The following NIPA1 variants were observed in gnomAD, a reference collection of about 807,000 sequenced individuals.
NIPA1 encodes the protein NIPA magnesium transporter 1, also known as magnesium transporter NIPA1.
Under a neutral mutation model 23.9 loss-of-function variants are expected in NIPA1, and 13 were observed. That is an observed-to-expected ratio of 0.54 (90% CI 0.35 to 0.87). The LOEUF (loss-of-function observed/expected upper bound fraction) is 0.87, where lower values mean the gene tolerates loss of function less well. Ranked by LOEUF, NIPA1 falls within the 40% of genes least tolerant of loss-of-function variation. The pLI, the probability that NIPA1 is intolerant of heterozygous loss-of-function variation, is 0.01. For synonymous variants in NIPA1, 234 were observed against 202.9 expected (o/e 1.15, Z -1.30); for missense variants, 362 against 429.7 (o/e 0.84, Z 1.39).
intron 1 of NIPA1, among the ~76,000 whole-genome samples, chr15:22,805,414 C>T (rs1043976413): frequency 6.6e-6 from 1 of 152,064 alleles, no homozygotes; most frequent in Admixed American, 6.5e-5. Context: ...GGACCGGGCG[C>T]GGTGGCTCAC....
At position 22,825,807 on chromosome 15, in the gene NIPA1, A is replaced by G. The variant is rs1895639391; in HGVS notation, c.*1568A>G. On this transcript the variant is annotated 3_prime_UTR_variant, in exon 5 of 5. Transcript: ENST00000337435. The stretch of plus-strand genomic sequence containing the variant: ...CCTAGAGTTCCTCAGCTAACCTCTC[A>G]TTATGTGTCTTAAATGCAAAAGAGC... The G allele has an allele frequency of 1.3e-5, 2 of 152,662 alleles. No homozygotes were observed. Among genetic ancestry groups the G allele is most frequent in the Admixed American group, 6.5e-5 (1 of 15,282 alleles). 9.5% of individuals were successfully genotyped at this position (152,662 alleles called of 1,614,324 possible).
upstream of NIPA1, chr15:22,786,610 C>T (rs1894704479): frequency 2.4e-6 from 2 of 818,642 alleles, no homozygotes; most frequent in African/African-American, 1.9e-5. Context: ...TCCCGCCCCG[C>T]GGGGCGCGGC....
At chr15:22,815,708 T>G (rs1895401901) in intron 3 of NIPA1, among the ~76,000 whole-genome samples, 1 of 152,068 alleles carries the variant, frequency 6.6e-6, no homozygotes, top group East Asian at 1.9e-4. Context: ...GGAGAAATTT[T>G]GAACAAAATA....
intron 1 of NIPA1, among the ~76,000 whole-genome samples, chr15:22,792,919 G>A (rs986725574): frequency 2.0e-5 from 3 of 151,824 alleles, no homozygotes; most frequent in South Asian, 4.2e-4. Context: ...GCGCCATTGC[G>A]CTCCAGCCTC....
intron 1 of NIPA1, 35 bp downstream of exon 1, chr15:22,786,869 G>A: frequency 2.1e-6 from 2 of 940,496 alleles, no homozygotes; most frequent in Non-Finnish European, 2.7e-6. Context: ...CGGCGGGCGG[G>A]TGGGGGAGGC....
At chr15:22,798,002 G>A (rs957349801) in intron 1 of NIPA1, among the ~76,000 whole-genome samples, 1 of 151,456 alleles carries the variant, frequency 6.6e-6, no homozygotes, top group African/African-American at 2.4e-5. Context: ...CTGCCACTAC[G>A]CCCGGCTAAT....
intron 2 of NIPA1, among the ~76,000 whole-genome samples, 167 bp from the exon 3 acceptor site, chr15:22,811,996 T>C (rs1186373389): frequency 6.6e-6 from 1 of 152,220 alleles, no homozygotes; most frequent in Non-Finnish European, 1.5e-5. Context: ...GTGTGGTTCC[T>C]GACCCCTGAC....
chr15:22,810,886 G>T, intron 2 of NIPA1, 90 bp downstream of exon 2: 1 of 1,028,270 alleles, frequency 9.7e-7, no homozygotes, highest in Non-Finnish European at 1.5e-6. Context: ...GGCTAGGGTG[G>T]CTCTGTTCTT....
Position 22,826,560 on chromosome 15 carries a change from G to A in NIPA1, c.*2321G>A, listed in dbSNP as rs1895657717. The A allele has an allele frequency of 6.6e-6, 1 of 152,156 alleles. No homozygotes were observed. The highest frequency in any genetic ancestry group is 1.5e-5 in the Non-Finnish European group (1 of 68,028). The allele number at this position is 152,156 out of a possible 1,614,324, so 9.4% of individuals were successfully genotyped here. A position where few individuals can be genotyped will look rare whatever the true frequency, so the allele number is the denominator to read the frequency against. On this transcript the variant is annotated 3_prime_UTR_variant, in exon 5 of 5. Transcript: ENST00000337435. ...GTCACATGAAAATGATCATGTTTGT[G>A]TTGCTACAGCTTTTGTGGGAAATTT...
rs748221798 is a variant in NIPA1, at chr15:22,823,898, T to C, written c.649T>C (p.Leu217=). ...CATCGGGCTGGCGGCCCAAGACATC[T>C]TGCATAACAACCCGTCCAGTCAGAG... ...KGIGLAAQDI[L]HNNPSSQRAL... Residue 217 remains leucine (L), a synonymous_variant, in exon 5 of 5, where the codon TTG becomes CTG. Transcript: ENST00000337435. 3.1e-6 allele frequency: 5 copies of C among 1,614,076 alleles called. No individual in the cohort carries two copies. The highest frequency in any genetic ancestry group is 4.2e-6 in the Non-Finnish European group (5 of 1,180,016).
At chr15:22,821,093 G>A (rs1029159555) in intron 4 of NIPA1, among the ~76,000 whole-genome samples, 1 of 151,358 alleles carries the variant, frequency 6.6e-6, no homozygotes, top group African/African-American at 2.4e-5. Context: ...CTCCTGAGTA[G>A]CCGGGGACTA....
chr15:22,798,388 C>T (rs1169395351), intron 1 of NIPA1, among the ~76,000 whole-genome samples: 3 of 149,864 alleles, frequency 2.0e-5, no homozygotes, highest in Non-Finnish European at 3.0e-5. Flanking sequence ...TACAGGCGCC[C>T]GCCACCATGC....
At chr15:22,819,892 G>T (rs1214789571) in intron 3 of NIPA1, among the ~76,000 whole-genome samples, 1 of 152,120 alleles carries the variant, frequency 6.6e-6, no homozygotes, top group African/African-American at 2.4e-5. Context: ...GGTTATACAT[G>T]GAATTGGTGT....
At chr15:22,810,910 C>A in intron 2 of NIPA1, 114 bp downstream of exon 2, 1 of 831,086 alleles carries the variant, frequency 1.2e-6, no homozygotes, top group South Asian at 1.3e-5. Context: ...AAGAGGGTGT[C>A]GCGTGGCCTC....
chr15:22,808,498 T>C (rs1199425285), intron 1 of NIPA1, among the ~76,000 whole-genome samples: 2 of 152,188 alleles, frequency 1.3e-5, no homozygotes, highest in African/African-American at 4.8e-5. Flanking sequence ...GCTGGGGACT[T>C]TGACCACTTG....
At chr15:22,819,792 G>T (rs1267711591) in intron 3 of NIPA1, among the ~76,000 whole-genome samples, 1 of 152,096 alleles carries the variant, frequency 6.6e-6, no homozygotes, top group Non-Finnish European at 1.5e-5. Flanking sequence ...TTTTTGGTCA[G>T]TCATAAAACT....
Position 22,824,506 on chromosome 15 carries a change from C to T in NIPA1, c.*267C>T. 3 of 465,872 alleles carry T rather than the reference C, an allele frequency of 6.4e-6. No homozygotes were observed. Among genetic ancestry groups the T allele is most frequent in the South Asian group, 2.7e-5 (1 of 36,990 alleles). 28.9% of individuals were successfully genotyped at this position (465,872 alleles called of 1,614,324 possible). On this transcript the variant is annotated 3_prime_UTR_variant, in exon 5 of 5. Transcript: ENST00000337435. The surrounding 1 kb of genome is among the most constrained non-coding windows in gnomAD (Gnocchi z 4.1). ...ATTTTCATTTCCATTAACCTGGAAG[C>T]TTTCATGAATATTCTCTTCTTTTAA... is the stretch of plus-strand genomic sequence containing the variant.
At chr15:22,802,374 A>G (rs1385780412) in intron 1 of NIPA1, among the ~76,000 whole-genome samples, 1 of 141,914 alleles carries the variant, frequency 7.0e-6, no homozygotes, top group Admixed American at 7.3e-5. Flanking sequence ...CCTGGGCGAC[A>G]GAGTGAGACT....
Position 22,786,766 on chromosome 15 carries a change from T to G in NIPA1, c.110T>G (p.Val37Gly), listed in dbSNP as rs1363745557. Residue 37 changes from valine (V) to glycine (G), a missense_variant, in exon 1 of 5, where the codon GTG (valine) becomes GGG (glycine). Physicochemically the swap from Val to Gly is moderately radical, Grantham distance 109 (BLOSUM62 -3). Coordinates refer to ENST00000337435, the MANE Select transcript of NIPA1 (RefSeq NM_144599.5). ...AVSLGLGVAV[V>G]SSLVNGSTFV... Reference sequence around the variant, plus strand: ...TCGCTCGGCCTGGGCGTGGCCGTCGTGTCGAGCCTGGTGAACGGGTCCACG... The same window carrying G: ...TCGCTCGGCCTGGGCGTGGCCGTCGGGTCGAGCCTGGTGAACGGGTCCACG... 1 of 1,309,938 alleles carries G rather than the reference T, an allele frequency of 7.6e-7. No individual in the cohort carries two copies. Among genetic ancestry groups the G allele is most frequent in the Non-Finnish European group, 9.9e-7 (1 of 1,008,698 alleles). 81.1% of individuals were successfully genotyped at this position (1,309,938 alleles called of 1,614,324 possible). A position where few individuals can be genotyped will look rare whatever the true frequency, so the allele number is the denominator to read the frequency against.
Sources: gnomAD v4.1 joint callset for allele counts (sites outside exome capture counted in the v4.1 genomes callset) on GRCh38, gnomAD v4.1.1 for gene constraint, Gnocchi (gnomAD v3.1) non-coding constraint, MANE v1.5 for transcripts, NCBI Gene and HGNC (gene_info 2026-07-23, HGNC 2026-07-21) for gene names.